Variants in MAPKAPK2 observed in about 807,000 individuals in gnomAD.
MAPKAPK2 encodes the protein MAPK activated protein kinase 2.
In MAPKAPK2, 9 loss-of-function variants were observed where a neutral mutation model predicts 48.8. The observed-to-expected ratio is 0.18, with a 90% CI of 0.11 to 0.32. The LOEUF (loss-of-function observed/expected upper bound fraction) is 0.32, where lower values mean the gene tolerates loss of function less well. Among genes scored for constraint, MAPKAPK2 ranks in the 10% least tolerant of loss-of-function variants. The pLI, the probability that MAPKAPK2 is intolerant of heterozygous loss-of-function variation, is 1.00. For missense variants in MAPKAPK2, 331 were observed against 498.3 expected, an observed-to-expected ratio of 0.66 and a Z score of 3.20; for synonymous variants, 202 against 190.6, an observed-to-expected ratio of 1.06 and a Z score of -0.49.
intron 1 of MAPKAPK2, among the ~76,000 whole-genome samples, chr1:206,693,916 A>T (rs1414376696): frequency 6.6e-6 from 1 of 152,208 alleles, no homozygotes; most frequent in African/African-American, 2.4e-5. Context: ...CTTCCAGCTC[A>T]GCCACATGCA....
chr1:206,727,119 C>T (rs950578251), intron 1 of MAPKAPK2, among the ~76,000 whole-genome samples: 2 of 152,190 alleles, frequency 1.3e-5, no homozygotes, highest in Admixed American at 1.3e-4. Flanking sequence ...GTGTAGGGCT[C>T]ATCTTGACTT....
rs781869540 is a variant in MAPKAPK2 at position 206,730,646 on chromosome 1, GT to G, written c.692-40del. The stretch of plus-strand genomic sequence containing the variant: ...ACAGAGAAACTGAGTGGATCACAGG[GT>G]TCTGAGGGCCGGCCCACCCATGTTG... On this transcript the variant is annotated intron_variant, in intron 5 of 9. Transcript: ENST00000367103. The G allele has an allele frequency of 4.0e-5, 61 of 1,544,258 alleles. No individual in the cohort carries two copies. In the South Asian group the frequency reaches 6.7e-4, roughly 17 times the overall value.
At position 206,684,932 on chromosome 1, in the gene MAPKAPK2, G is replaced by C. The variant is rs1672227122; in HGVS notation, c.-298G>C. ...GACGCGGCCGCCGGCCCGGGGCTGGGTACATTGTCGCGCGGCCGCTTCCCC... is the reference window on the plus strand; with the variant it reads ...GACGCGGCCGCCGGCCCGGGGCTGGCTACATTGTCGCGCGGCCGCTTCCCC... On this transcript the variant is annotated 5_prime_UTR_variant, in exon 1 of 10. Coordinates refer to ENST00000367103, the MANE Select transcript of MAPKAPK2 (RefSeq NM_032960.4). 6.6e-6 allele frequency: 1 copy of C among 151,448 alleles called. No homozygotes were observed. Among genetic ancestry groups the C allele is most frequent in the Admixed American group, 6.6e-5 (1 of 15,214 alleles). The allele number at this position is 151,448 out of a possible 1,614,324, so 9.4% of individuals were successfully genotyped here.
chr1:206,729,228 G>C, intron 3 of MAPKAPK2, 129 bp downstream of exon 3: 1 of 1,169,152 alleles, frequency 8.6e-7, no homozygotes, highest in Admixed American at 1.7e-5. Flanking sequence ...GCTGCAAGGG[G>C]TGCCTCAGCT....
At position 206,733,774 on chromosome 1, in the gene MAPKAPK2, C is replaced by T. The variant is rs1674020627; in HGVS notation, c.*1056C>T. On this transcript the variant is annotated 3_prime_UTR_variant, in exon 10 of 10. Coordinates refer to ENST00000367103, the MANE Select transcript of MAPKAPK2 (RefSeq NM_032960.4). ...GGTGAGCCTGGGCAGCTTCTGTTGG[C>T]AGAGCTTTTGCATTTCCTGTGTTTG... is the stretch of plus-strand genomic sequence containing the variant. 6.5e-6 allele frequency: 1 copy of T among 152,836 alleles called. No individual in the cohort carries two copies. Among genetic ancestry groups the T allele is most frequent in the African/African-American group, 2.4e-5 (1 of 41,460 alleles). 9.5% of individuals were successfully genotyped at this position (152,836 alleles called of 1,614,324 possible). A position where few individuals can be genotyped will look rare whatever the true frequency, so the allele number is the denominator to read the frequency against.
At chr1:206,703,329 A>T (rs1672855645) in intron 1 of MAPKAPK2, among the ~76,000 whole-genome samples, 1 of 152,244 alleles carries the variant, frequency 6.6e-6, no homozygotes, top group Admixed American at 6.5e-5. Context: ...CAGTTAGAGA[A>T]GACAAATGGA....
At position 206,688,856 on chromosome 1, in the gene MAPKAPK2, G is replaced by A. The variant is rs529985542; in HGVS notation, c.279+3348G>A. Among the ~76,000 whole-genome samples the A allele has an allele frequency of 1.5e-3, 225 of 152,190 alleles. 1 individual carries two copies. In the Middle Eastern group the frequency reaches 0.027, roughly 18 times the overall value. The stretch of plus-strand genomic sequence containing the variant: ...TCACTGTGTTATTCAGGATGGTCTT[G>A]ATCTCCTGACCTCGTGATCTGCCTG... On this transcript the variant is annotated intron_variant, in intron 1 of 9. Coordinates refer to ENST00000367103, the MANE Select transcript of MAPKAPK2 (RefSeq NM_032960.4).
At chr1:206,727,067 A>T (rs2102412307) in intron 1 of MAPKAPK2, among the ~76,000 whole-genome samples, 1 of 152,190 alleles carries the variant, frequency 6.6e-6, no homozygotes, top group Non-Finnish European at 1.5e-5. Context: ...TCTCTTGGAC[A>T]CCCCAGCCCT....
chr1:206,711,342 C>T (rs1004995232), intron 1 of MAPKAPK2, among the ~76,000 whole-genome samples: 27 of 152,322 alleles, frequency 1.8e-4, no homozygotes, highest in African/African-American at 5.1e-4. Flanking sequence ...CTCCACCTCT[C>T]GGAGTTCAAG....
Position 206,733,708 on chromosome 1 carries a change from T to C in MAPKAPK2, c.*990T>C, listed in dbSNP as rs1553433198. On this transcript the variant is annotated 3_prime_UTR_variant, in exon 10 of 10. Coordinates refer to ENST00000367103, the MANE Select transcript of MAPKAPK2 (RefSeq NM_032960.4). ...CCCATTTTTGTTTATTTTCCTTAAA[T>C]TTTTAGCCATTTCTCCATGGGCCAC... The C allele has an allele frequency of 6.5e-6, 1 of 152,712 alleles. No homozygotes were observed. Among genetic ancestry groups the C allele is most frequent in the Admixed American group, 6.5e-5 (1 of 15,278 alleles). 9.5% of individuals were successfully genotyped at this position (152,712 alleles called of 1,614,324 possible). A position where few individuals can be genotyped will look rare whatever the true frequency, so the allele number is the denominator to read the frequency against.
chr1:206,725,080 G>C (rs1227261670), intron 1 of MAPKAPK2, among the ~76,000 whole-genome samples: 1 of 152,222 alleles, frequency 6.6e-6, no homozygotes, highest in African/African-American at 2.4e-5. Context: ...GCAAAGCCTA[G>C]GTTCACTGTG....
chr1:206,693,182 C>T (rs1355850626), intron 1 of MAPKAPK2, among the ~76,000 whole-genome samples: 1 of 152,164 alleles, frequency 6.6e-6, no homozygotes, highest in Non-Finnish European at 1.5e-5. Flanking sequence ...CCTTAGCAGC[C>T]TGGCCTCCTG....
intron 1 of MAPKAPK2, among the ~76,000 whole-genome samples, chr1:206,711,614 T>C (rs1673145941): frequency 2.0e-5 from 3 of 150,178 alleles, no homozygotes; most frequent in Admixed American, 6.6e-5. Context: ...ATTCTTTTTT[T>C]TTTTTTTTTT....
At chr1:206,726,406 T>C (rs1673703535) in intron 1 of MAPKAPK2, among the ~76,000 whole-genome samples, 1 of 152,170 alleles carries the variant, frequency 6.6e-6, no homozygotes, top group African/African-American at 2.4e-5. Flanking sequence ...CAAACCCTAA[T>C]GAAGTTGAAA....
Position 206,731,818 on chromosome 1 carries a change from A to T in MAPKAPK2, c.979-21A>T. On this transcript the variant is annotated intron_variant, in intron 8 of 9. Transcript: ENST00000367103. This position sits in a 1 kb window ranked among gnomAD's most constrained non-coding sequence, Gnocchi z 5.9. The stretch of plus-strand genomic sequence containing the variant: ...GACCCTACCCCAGGCTTTCACTCGG[A>T]CCCCTTTTCTCTCTTCTCAGCAATC... 6.2e-7 allele frequency: 1 copy of T among 1,613,536 alleles called. No individual in the cohort carries two copies. The highest frequency in any genetic ancestry group is 8.5e-7 in the Non-Finnish European group (1 of 1,179,620).
chr1:206,686,076 T>G (rs1553425571), intron 1 of MAPKAPK2, among the ~76,000 whole-genome samples: 1 of 152,004 alleles, frequency 6.6e-6, no homozygotes, highest in Non-Finnish European at 1.5e-5. Context: ...GCAGGAGGTG[T>G]GCGGCGGGAG....
intron 1 of MAPKAPK2, among the ~76,000 whole-genome samples, chr1:206,685,862 G>A (rs1325078048): frequency 1.3e-5 from 2 of 152,116 alleles, no homozygotes; most frequent in African/African-American, 2.4e-5. Context: ...TTTGGGGTTG[G>A]TGGTTCCCCG....
chr1:206,714,006 G>A (rs1572500441), intron 1 of MAPKAPK2, among the ~76,000 whole-genome samples: 1 of 152,314 alleles, frequency 6.6e-6, no homozygotes, highest in African/African-American at 2.4e-5. Context: ...GAGAGTCTGA[G>A]GATGAGTACT....
chr1:206,719,347 C>T (rs200404205), intron 1 of MAPKAPK2, among the ~76,000 whole-genome samples: 3 of 152,170 alleles, frequency 2.0e-5, no homozygotes, highest in East Asian at 3.8e-4. Context: ...TGGGCAGTGA[C>T]GCGTGGTTGT....
Sources: allele counts gnomAD v4.1 joint callset (sites outside exome capture counted in the v4.1 genomes callset), GRCh38; gene constraint gnomAD v4.1.1; non-coding constraint Gnocchi (gnomAD v3.1); transcripts MANE v1.5; gene names NCBI Gene and HGNC (gene_info 2026-07-23, HGNC 2026-07-21).